Variants in SOCS6 observed in about 807,000 individuals in gnomAD.
SOCS6 encodes STAT induced STAT inhibitor-4.
Under a neutral mutation model 27.7 loss-of-function variants are expected in SOCS6, and 5 were observed. That is an observed-to-expected ratio of 0.18 (90% confidence interval 0.09 to 0.38). The LOEUF is 0.38. Among genes scored for constraint, SOCS6 ranks in the 10% least tolerant of loss-of-function variants. SOCS6 has a pLI of 1.00. For missense variants in SOCS6, 595 were observed against 688.1 expected (o/e 0.86, Z 1.51); for synonymous variants, 271 against 260.0 (o/e 1.04, Z -0.41).
chr18:70,297,116 C>A (rs72483070), intron 1 of SOCS6, among the ~76,000 whole-genome samples: 16 of 151,520 alleles, frequency 1.1e-4, no homozygotes, highest in African/African-American at 2.4e-5. Context: ...TTCTCCTCAC[C>A]CCCTCTTTTT....
chr18:70,321,026 C>T (rs1171850923), intron 1 of SOCS6, among the ~76,000 whole-genome samples: 3 of 151,976 alleles, frequency 2.0e-5, no homozygotes, highest in Non-Finnish European at 4.4e-5. Flanking sequence ...CCTGTAATCC[C>T]AGCACTTTGG....
At position 70,303,211 on chromosome 18, in the gene SOCS6, C is replaced by T. The variant is rs900939; in HGVS notation, c.-127+14121C>T. On this transcript the variant is annotated intron_variant, in intron 1 of 1. Transcript: ENST00000397942. ...TTCCTGTGTTTTTGCACTTAACAAA[C>T]GAACAATATGAATTTTCCCCTCATG... 9.9e-5 allele frequency among the ~76,000 whole-genome samples: 15 copies of T among 152,218 alleles called. No individual in the cohort carries two copies. The South Asian group carries it at 2.5e-3, about 25-fold the overall frequency.
At position 70,326,269 on chromosome 18, in the gene SOCS6, A is replaced by C; in HGVS notation, c.1601A>C (p.His534Pro). The change falls in exon 2 of 2, where the codon CAC becomes CCC. Residue 534 changes from histidine to proline, a missense_variant. Physicochemically the swap from His to Pro is moderately conservative, Grantham distance 77. This residue lies in a region of SOCS6 where 128 missense variants were observed against 207.0 expected (regional missense o/e 0.62). Transcript: ENST00000397942. Reference protein sequence around the residue: ...NKMKDYLQEKHY With the variant: ...NKMKDYLQEKPY ...ATGAAGGATTATTTACAGGAGAAGC[A>C]CTACTGAAAGATTGAGAACCCTGCA... 1 of 1,610,558 alleles carries C rather than the reference A, an allele frequency of 6.2e-7. No homozygotes were observed.
intron 1 of SOCS6, among the ~76,000 whole-genome samples, chr18:70,298,496 T>A (rs1419037935): frequency 6.6e-6 from 1 of 152,198 alleles, no homozygotes; most frequent in Non-Finnish European, 1.5e-5. Context: ...GGTCAGGATG[T>A]ATTATATATA....
At chr18:70,321,312 GTTTTTTTTTTT>G (rs763120236) in intron 1 of SOCS6, among the ~76,000 whole-genome samples, 9 of 68,692 alleles carry the variant, frequency 1.3e-4, no homozygotes, top group Admixed American at 4.9e-4. Context: ...AATTTTCTCA[GTTTTTTTTTTT>G]TTTTTTTTTT....
rs557659368 is a variant in SOCS6 at position 70,303,218 on chromosome 18, T to C, written c.-127+14128T>C. On this transcript the variant is annotated intron_variant, in intron 1 of 1. Coordinates refer to ENST00000397942, the MANE Select transcript of SOCS6 (RefSeq NM_004232.4). The stretch of plus-strand genomic sequence containing the variant: ...GTTTTTGCACTTAACAAACGAACAA[T>C]ATGAATTTTCCCCTCATGTTATTTA... 3.3e-5 allele frequency among the ~76,000 whole-genome samples: 5 copies of C among 152,306 alleles called. No homozygotes were observed. In the South Asian group the frequency reaches 1.0e-3, roughly 32 times the overall value.
chr18:70,319,532 C>G (rs1433586470), intron 1 of SOCS6, among the ~76,000 whole-genome samples: 1 of 147,562 alleles, frequency 6.8e-6, no homozygotes, highest in Non-Finnish European at 1.5e-5. Flanking sequence ...TACCATGAGT[C>G]AAGGCAGCGG....
chr18:70,305,897 G>A (rs41443649), intron 1 of SOCS6, among the ~76,000 whole-genome samples: 1 of 151,530 alleles, frequency 6.6e-6, no homozygotes, highest in Non-Finnish European at 1.5e-5. Flanking sequence ...GTGTGTGGGG[G>A]TGTGTGTGTG....
rs779389156 is a variant in SOCS6, at chr18:70,326,295, T to C, written c.*19T>C. ...CTACTGAAAGATTGAGAACCCTGCATCTTGCACTTTGGGAATAAGAACAAG... is the reference window on the plus strand; with the variant it reads ...CTACTGAAAGATTGAGAACCCTGCACCTTGCACTTTGGGAATAAGAACAAG... On this transcript the variant is annotated 3_prime_UTR_variant, in exon 2 of 2. Coordinates refer to ENST00000397942, the MANE Select transcript of SOCS6 (RefSeq NM_004232.4). 2 of 1,574,292 alleles carry C rather than the reference T, an allele frequency of 1.3e-6. No individual in the cohort carries two copies. The highest frequency in any genetic ancestry group is 2.7e-5 in the African/African-American group (2 of 73,238).
intron 1 of SOCS6, among the ~76,000 whole-genome samples, chr18:70,306,003 C>T (rs1206904927): frequency 6.6e-6 from 1 of 151,978 alleles, no homozygotes; most frequent in African/African-American, 2.4e-5. Flanking sequence ...TTTGGGAGGC[C>T]AAGGCTGGAG....
At chr18:70,301,284 T>C (rs1318125993) in intron 1 of SOCS6, among the ~76,000 whole-genome samples, 1 of 152,074 alleles carries the variant, frequency 6.6e-6, no homozygotes, top group Non-Finnish European at 1.5e-5. Context: ...TATTAGGAGG[T>C]ATTGCCATAA....
chr18:70,295,495 TAATG>T (rs2062319071), intron 1 of SOCS6, among the ~76,000 whole-genome samples: 1 of 152,246 alleles, frequency 6.6e-6, no homozygotes. Context: ...ATGTGTATAA[TAATG>T]GTGTTTGTTT....
At chr18:70,300,563 T>C (rs1057216474) in intron 1 of SOCS6, among the ~76,000 whole-genome samples, 1 of 152,254 alleles carries the variant, frequency 6.6e-6, no homozygotes, top group East Asian at 1.9e-4. Context: ...TGCTTAGAAA[T>C]GCTCATGGGA....
chr18:70,302,889 A>T (rs943279859), intron 1 of SOCS6, among the ~76,000 whole-genome samples: 2 of 152,184 alleles, frequency 1.3e-5, no homozygotes, highest in African/African-American at 2.4e-5. Flanking sequence ...CTACAAAAAA[A>T]CCCAATAGTC....
At chr18:70,310,771 T>G (rs573040533) in intron 1 of SOCS6, among the ~76,000 whole-genome samples, 2 of 152,276 alleles carry the variant, frequency 1.3e-5, no homozygotes, top group African/African-American at 4.8e-5. Context: ...CTCTTAATCA[T>G]GAGGTTCTGT....
chr18:70,293,724 CA>C (rs575116411), intron 1 of SOCS6, among the ~76,000 whole-genome samples: 48 of 142,926 alleles, frequency 3.4e-4, no homozygotes, highest in Admixed American at 8.4e-4. Flanking sequence ...TAGATTAAAA[CA>C]AAAAAAAAAA....
chr18:70,312,063 A>G (rs76574444), intron 1 of SOCS6, among the ~76,000 whole-genome samples: 2,420 of 152,318 alleles, frequency 0.016, 59 homozygotes, highest in African/African-American at 0.055. Context: ...TAAGCCAGAC[A>G]TTGTTTTAAA....
intron 1 of SOCS6, among the ~76,000 whole-genome samples, chr18:70,292,038 C>T (rs1296909465): frequency 6.6e-6 from 1 of 152,162 alleles, no homozygotes; most frequent in Non-Finnish European, 1.5e-5. Flanking sequence ...GGGCTGAGGA[C>T]ACAGTTTACT....
chr18:70,310,107 A>G (rs972262389), intron 1 of SOCS6, among the ~76,000 whole-genome samples: 1 of 152,252 alleles, frequency 6.6e-6, no homozygotes, highest in Non-Finnish European at 1.5e-5. Context: ...ATATATTTAT[A>G]GTATTTTAAA....
Sources: gnomAD v4.1 joint callset for allele counts (sites outside exome capture counted in the v4.1 genomes callset) on GRCh38, gnomAD v4.1.1 for gene constraint, gnomAD v4.1.1 regional missense constraint, MANE v1.5 for transcripts, NCBI Gene and HGNC (gene_info 2026-07-23, HGNC 2026-07-21) for gene names.